Variants in RELN observed in about 807,000 individuals in gnomAD.
The protein encoded by RELN is reelin.
RELN carries 108 observed loss-of-function variants against 427.6 expected under a neutral mutation model. The observed-to-expected ratio is 0.25, with a 90% CI of 0.22 to 0.30. The LOEUF (loss-of-function observed/expected upper bound fraction) is 0.30. Ranked by LOEUF, RELN falls within the 10% of genes least tolerant of loss-of-function variation. The pLI is 1.00. For synonymous variants in RELN, 1,524 were observed against 1,513.4 expected, an observed-to-expected ratio of 1.01 and a Z score of -0.16; for missense variants, 3,715 against 4,302.8, an observed-to-expected ratio of 0.86 and a Z score of 3.82.
Position 103,693,664 on chromosome 7 carries a change from T to A in RELN, c.1143+4189A>T, listed in dbSNP as rs551118101. On this transcript the variant is annotated intron_variant, in intron 10 of 64. Coordinates refer to ENST00000428762, the MANE Select transcript of RELN (RefSeq NM_005045.4). ...TATAAGTGAGGGATTTTGGCTTGTATCCTCTAGGCCTACATAGGAAGTCAT... is the reference window on the plus strand; with the variant it reads ...TATAAGTGAGGGATTTTGGCTTGTAACCTCTAGGCCTACATAGGAAGTCAT... Among the ~76,000 whole-genome samples, 373 of 152,218 alleles carry A rather than the reference T, an allele frequency of 2.5e-3. 1 individual carries two copies. Among genetic ancestry groups the A allele is most frequent in the Non-Finnish European group, 4.5e-3 (303 of 68,002 alleles).
chr7:103,926,137 T>C (rs911056536), intron 1 of RELN, among the ~76,000 whole-genome samples: 8 of 129,846 alleles, frequency 6.2e-5, no homozygotes, highest in Non-Finnish European at 1.1e-4. Flanking sequence ...AGTCTCACTC[T>C]GTCTCCAGGC....
intron 2 of RELN, among the ~76,000 whole-genome samples, chr7:103,855,995 G>T (rs530994325): frequency 6.6e-6 from 1 of 152,234 alleles, no homozygotes; most frequent in Admixed American, 6.5e-5. Context: ...CCCACAATAT[G>T]CCTCAAGGGA....
At chr7:103,972,072 C>T (rs189410037) in intron 1 of RELN, among the ~76,000 whole-genome samples, 76 of 151,928 alleles carry the variant, frequency 5.0e-4, no homozygotes, top group African/African-American at 1.7e-3. Context: ...GACCCTCTCT[C>T]AAAAATAAGT....
chr7:103,664,714 A>G (rs989026021), intron 11 of RELN, among the ~76,000 whole-genome samples: 1 of 152,122 alleles, frequency 6.6e-6, no homozygotes, highest in Non-Finnish European at 1.5e-5. Flanking sequence ...TTGCATTTAC[A>G]TGATTAGTAG....
chr7:103,867,893 T>G (rs922610315), intron 2 of RELN, among the ~76,000 whole-genome samples: 17 of 152,058 alleles, frequency 1.1e-4, no homozygotes, highest in Non-Finnish European at 1.5e-5. Flanking sequence ...CAAACCAAAG[T>G]AGACCCCAGG....
chr7:103,766,325 T>C (rs940628743), intron 4 of RELN, among the ~76,000 whole-genome samples: 1 of 152,180 alleles, frequency 6.6e-6, no homozygotes, highest in Non-Finnish European at 1.5e-5. Flanking sequence ...CACATTCAAG[T>C]GAAATACATC....
At chr7:103,912,141 C>G (rs1795381816) in intron 2 of RELN, among the ~76,000 whole-genome samples, 1 of 150,872 alleles carries the variant, frequency 6.6e-6, no homozygotes, top group South Asian at 2.1e-4. Flanking sequence ...GAAAAAATTC[C>G]TACACCTGTT....
At chr7:103,676,412 A>C (rs1216177705) in intron 11 of RELN, among the ~76,000 whole-genome samples, 1 of 152,202 alleles carries the variant, frequency 6.6e-6, no homozygotes, top group Non-Finnish European at 1.5e-5. Context: ...GAGGATGTGG[A>C]GAAATAGGAA....
chr7:103,742,542 T>C (rs1447336590), intron 6 of RELN, among the ~76,000 whole-genome samples: 1 of 151,868 alleles, frequency 6.6e-6, no homozygotes. Flanking sequence ...AATGGATAAC[T>C]AGAATAACCA....
intron 36 of RELN, among the ~76,000 whole-genome samples, chr7:103,560,549 T>G (rs1246369154): frequency 1.3e-5 from 2 of 152,200 alleles, no homozygotes; most frequent in African/African-American, 4.8e-5. Flanking sequence ...ATAGGACTTC[T>G]GCTTTTTAGT....
intron 2 of RELN, among the ~76,000 whole-genome samples, chr7:103,882,036 G>A (rs1248495446): frequency 1.3e-5 from 2 of 152,226 alleles, no homozygotes; most frequent in East Asian, 1.9e-4. Flanking sequence ...ATGAATGAGC[G>A]AGTCCATCAA....
At chr7:103,923,837 G>C (rs1438685929) in intron 1 of RELN, among the ~76,000 whole-genome samples, 1 of 152,064 alleles carries the variant, frequency 6.6e-6, no homozygotes, top group East Asian at 1.9e-4. Context: ...TTTACCCTCA[G>C]ATTTAATACA....
intron 48 of RELN, among the ~76,000 whole-genome samples, chr7:103,520,957 ATT>A (rs55830035): frequency 6.6e-3 from 521 of 78,934 alleles, no homozygotes; most frequent in African/African-American, 0.021. Flanking sequence ...TAAATTTGTT[ATT>A]TTTTTTTTTT....
intron 2 of RELN, among the ~76,000 whole-genome samples, chr7:103,856,860 C>T (rs1453206374): frequency 6.6e-6 from 1 of 151,768 alleles, no homozygotes; most frequent in Non-Finnish European, 1.5e-5. Context: ...GATTTATGTA[C>T]TTTTAATTTG....
intron 1 of RELN, among the ~76,000 whole-genome samples, chr7:103,951,517 C>G (rs545336417): frequency 5.3e-5 from 8 of 152,278 alleles, no homozygotes; most frequent in African/African-American, 1.9e-4. Flanking sequence ...TCTACAGAAT[C>G]CTGCTTTAAG....
At chr7:103,541,959 G>A (rs1358150918) in intron 43 of RELN, among the ~76,000 whole-genome samples, 2 of 152,184 alleles carry the variant, frequency 1.3e-5, no homozygotes, top group Non-Finnish European at 2.9e-5. Context: ...ATGTTAAGAT[G>A]TATTCTAAGA....
At chr7:103,917,635 T>G (rs2116672079) in intron 1 of RELN, among the ~76,000 whole-genome samples, 1 of 152,058 alleles carries the variant, frequency 6.6e-6, no homozygotes, top group Non-Finnish European at 1.5e-5. Context: ...ACCACATTTC[T>G]TATTGTGAGT....
At chr7:103,693,095 A>G (rs1833904500) in intron 10 of RELN, among the ~76,000 whole-genome samples, 1 of 152,126 alleles carries the variant, frequency 6.6e-6, no homozygotes, top group African/African-American at 2.4e-5. Flanking sequence ...GAACCAACCC[A>G]AATGCCCATC....
rs144351083 is a variant in RELN, at chr7:103,673,363, T to C, written c.1289+8753A>G. Among the ~76,000 whole-genome samples, 14 of 152,292 alleles carry C rather than the reference T, an allele frequency of 9.2e-5. No individual in the cohort carries two copies. The East Asian group carries it at 2.7e-3, about 29-fold the overall frequency. ...GAGTTAACCAAGATCTACAGTTTCA[T>C]TCTAAACAGGTTAAGAACTTGGGCA... On this transcript the variant is annotated intron_variant, in intron 11 of 64. Coordinates refer to ENST00000428762, the MANE Select transcript of RELN (RefSeq NM_005045.4).
Sources: allele counts gnomAD v4.1 joint callset (sites outside exome capture counted in the v4.1 genomes callset), GRCh38; gene constraint gnomAD v4.1.1; transcripts MANE v1.5; gene names NCBI Gene and HGNC (gene_info 2026-07-23, HGNC 2026-07-21).